Variants in HTT-AS observed in about 807,000 individuals in gnomAD.
The protein encoded by HTT-AS is HTT antisense RNA, also known as HTT antisense RNA (head to head).
downstream of HTT-AS, among the ~76,000 whole-genome samples, chr4:3,048,071 G>T (rs966164156): frequency 6.6e-6 from 1 of 152,044 alleles, no homozygotes; most frequent in South Asian, 2.1e-4. Flanking sequence ...AGGCATTCGG[G>T]GCCACTACCA....
intron 2 of HTT-AS, among the ~76,000 whole-genome samples, chr4:3,054,759 G>T (rs1711776063): frequency 6.6e-6 from 1 of 151,140 alleles, no homozygotes; most frequent in South Asian, 2.1e-4. Context: ...CTGTCACCCA[G>T]GCTGGAGTGC....
chr4:3,059,962 C>T (rs1041088768), intron 2 of HTT-AS, among the ~76,000 whole-genome samples: 3 of 146,758 alleles, frequency 2.0e-5, no homozygotes, highest in African/African-American at 5.1e-5. Context: ...CATTCTGTCA[C>T]CCAGGCTGGA....
chr4:3,058,959 A>G (rs148978326), intron 2 of HTT-AS, among the ~76,000 whole-genome samples: 187 of 152,190 alleles, frequency 1.2e-3, no homozygotes, highest in African/African-American at 4.3e-3. Context: ...GGCTTAAGCA[A>G]TACAGCCGCG....
intron 1 of HTT-AS, among the ~76,000 whole-genome samples, chr4:3,073,644 C>T (rs1712259331): frequency 6.6e-6 from 1 of 152,148 alleles, no homozygotes; most frequent in Non-Finnish European, 1.5e-5. Context: ...CTCCTCCCTT[C>T]CGGGGCGCTG....
intron 2 of HTT-AS, among the ~76,000 whole-genome samples, chr4:3,058,696 T>C (rs1711856148): frequency 1.3e-5 from 2 of 151,664 alleles, no homozygotes; most frequent in Admixed American, 1.3e-4. Context: ...GCCTCTGACA[T>C]ATTAGCTGCA....
chr4:3,047,127 C>A (rs575091046), downstream of HTT-AS, among the ~76,000 whole-genome samples: 1 of 152,060 alleles, frequency 6.6e-6, no homozygotes, highest in East Asian at 1.9e-4. Context: ...CTGGCTAACA[C>A]GGTGAAACCC....
intron 1 of HTT-AS, among the ~76,000 whole-genome samples, chr4:3,071,027 C>G (rs181381520): frequency 6.6e-6 from 1 of 152,334 alleles, no homozygotes; most frequent in African/African-American, 2.4e-5. Context: ...AAGTCTTTCA[C>G]ATTAGATTTC....
chr4:3,047,228 A>T (rs193213771), downstream of HTT-AS, among the ~76,000 whole-genome samples: 1 of 152,102 alleles, frequency 6.6e-6, no homozygotes, highest in Non-Finnish European at 1.5e-5. Flanking sequence ...GGAGAATGGC[A>T]TGAACCCGGG....
intron 1 of HTT-AS, among the ~76,000 whole-genome samples, chr4:3,070,642 C>A (rs1355343474): frequency 1.3e-5 from 2 of 152,120 alleles, no homozygotes; most frequent in Non-Finnish European, 2.9e-5. Flanking sequence ...GGGACGTTAT[C>A]AGGCTCTACA....
intron 1 of HTT-AS, among the ~76,000 whole-genome samples, chr4:3,065,759 C>A (rs1490646028): frequency 6.6e-6 from 1 of 152,236 alleles, no homozygotes; most frequent in East Asian, 1.9e-4. Context: ...GCCCTTGTGA[C>A]TGCGTGGCTG....
intron 2 of HTT-AS, among the ~76,000 whole-genome samples, chr4:3,062,261 C>G (rs1711943116): frequency 6.6e-6 from 1 of 152,102 alleles, no homozygotes; most frequent in African/African-American, 2.4e-5. Flanking sequence ...AACCCCTGAG[C>G]TCAAATGGTC....
exon 2 of HTT-AS, chr4:3,063,572 C>T (rs1353140988): frequency 1.3e-5 from 2 of 152,356 alleles, no homozygotes; most frequent in Admixed American, 1.3e-4. Context: ...GACAAAGACT[C>T]CTGGCAGCTC....
downstream of HTT-AS, among the ~76,000 whole-genome samples, chr4:3,046,583 G>A (rs561294921): frequency 6.6e-6 from 1 of 152,362 alleles, no homozygotes; most frequent in South Asian, 2.1e-4. Flanking sequence ...AATTTTGAGA[G>A]ATTGACCAAA....
intron 2 of HTT-AS, among the ~76,000 whole-genome samples, chr4:3,061,356 C>T (rs960683232): frequency 6.6e-6 from 1 of 152,150 alleles, no homozygotes; most frequent in Admixed American, 6.6e-5. Context: ...TTTGAATCTC[C>T]GATAAGCCTT....
intron 1 of HTT-AS, among the ~76,000 whole-genome samples, chr4:3,064,671 A>G (rs1712009254): frequency 6.6e-6 from 1 of 152,218 alleles, no homozygotes; most frequent in Non-Finnish European, 1.5e-5. Context: ...TCAAAGTGCT[A>G]CCCTTCAAAA....
intron 2 of HTT-AS, among the ~76,000 whole-genome samples, chr4:3,059,379 C>T (rs555207369): frequency 1.3e-5 from 2 of 152,220 alleles, no homozygotes; most frequent in African/African-American, 4.8e-5. Context: ...GGGACCTGCA[C>T]CATTTGTGAA....
chr4:3,061,839 G>A (rs1711931398), intron 2 of HTT-AS, among the ~76,000 whole-genome samples: 1 of 151,518 alleles, frequency 6.6e-6, no homozygotes, highest in South Asian at 2.1e-4. Context: ...AAAACTAGCT[G>A]GGTGTGGTGG....
chr4:3,066,179 C>CT (rs1712053047), intron 1 of HTT-AS, among the ~76,000 whole-genome samples: 1 of 151,014 alleles, frequency 6.6e-6, no homozygotes, highest in Non-Finnish European at 1.5e-5. Context: ...GCTAAGCCTC[C>CT]TTTTTTTTTG....
At chr4:3,065,622 A>G (rs1712033235) in intron 1 of HTT-AS, among the ~76,000 whole-genome samples, 1 of 152,186 alleles carries the variant, frequency 6.6e-6, no homozygotes. Context: ...AAATGCCCTT[A>G]ATACACCTAA....
Sources: gnomAD v4.1 joint callset for allele counts (sites outside exome capture counted in the v4.1 genomes callset) on GRCh38, gnomAD v4.1.1 for gene constraint, MANE v1.5 for transcripts, NCBI Gene and HGNC (gene_info 2026-07-23, HGNC 2026-07-21) for gene names.